Variants in ST7L observed in about 807,000 individuals in gnomAD.
ST7L encodes suppression of tumorigenicity 7 like.
A neutral mutation model predicts 72.5 loss-of-function variants in ST7L; 57 were observed. That is an observed-to-expected ratio of 0.79 (90% CI 0.64 to 0.98). The LOEUF (loss-of-function observed/expected upper bound fraction) is 0.98, where lower values mean the gene tolerates loss of function less well. ST7L is among the 50% of genes least tolerant of loss of function. The pLI is 0.00. For synonymous variants in ST7L, 221 were observed against 240.9 expected (o/e 0.92, Z 0.77); for missense variants, 576 against 672.2 (o/e 0.86, Z 1.58).
chr1:112,549,865 C>G (rs1010807566), intron 13 of ST7L, among the ~76,000 whole-genome samples: 3 of 152,022 alleles, frequency 2.0e-5, no homozygotes, highest in African/African-American at 7.2e-5. Context: ...TTGTCTTATT[C>G]CCGATCTTAG....
At chr1:112,580,653 G>A (rs188495166) in intron 9 of ST7L, among the ~76,000 whole-genome samples, 8 of 152,220 alleles carry the variant, frequency 5.3e-5, no homozygotes, top group African/African-American at 4.8e-5. Context: ...TGCCAGGTGC[G>A]GTGGCTCACG....
intron 11 of ST7L, among the ~76,000 whole-genome samples, chr1:112,556,222 C>A (rs184911496): frequency 1.1e-4 from 16 of 152,100 alleles, no homozygotes; most frequent in Admixed American, 9.8e-4. Context: ...CAGAATATTT[C>A]TATAGGTAAA....
chr1:112,570,570 T>TATATATATAC (rs1183877129), intron 11 of ST7L, among the ~76,000 whole-genome samples: 59 of 143,410 alleles, frequency 4.1e-4, no homozygotes, highest in African/African-American at 1.3e-3. Context: ...TATATATATA[T>TATATATATAC]ACACACACAC....
At chr1:112,571,311 G>A (rs776584097) in intron 11 of ST7L, 1 of 456,244 alleles carries the variant, frequency 2.2e-6, no homozygotes, top group Non-Finnish European at 4.4e-6. Flanking sequence ...ATTGTCAACT[G>A]CTTTGATATT....
In ST7L at chr1:112,610,708, A is replaced by G. The variant is rs906805770; in HGVS notation, c.451+133T>C. 4.2e-5 allele frequency: 46 copies of G among 1,106,078 alleles called. No individual in the cohort carries two copies. The African/African-American group carries it at 5.8e-4, about 14-fold the overall frequency. The allele number at this position is 1,106,078 out of a possible 1,614,324, so 68.5% of individuals were successfully genotyped here. ...CAAAGACCCTACCTCGTAACATCAC[A>G]TTGGTGATTAGAATTTTGGGGGAAA... On this transcript the variant is annotated intron_variant, in intron 3 of 14. Coordinates refer to ENST00000358039, the MANE Select transcript of ST7L (RefSeq NM_017744.5).
At chr1:112,586,536 T>C (rs1221503813) in intron 6 of ST7L, among the ~76,000 whole-genome samples, 3 of 152,194 alleles carry the variant, frequency 2.0e-5, no homozygotes, top group Non-Finnish European at 2.9e-5. Flanking sequence ...AAAACAGTTT[T>C]TAAAAGACCT....
rs1178684772 is a variant in ST7L, at chr1:112,525,846, T to G, written c.*167A>C. ...CCTTTTTGACAGCTTCCAAGGGGGG[T>G]TTGCCTAGGAATAACAATATTCATA... is the stretch of plus-strand genomic sequence containing the variant. On this transcript the variant is annotated 3_prime_UTR_variant, in exon 15 of 15. Transcript: ENST00000358039. 9.2e-6 allele frequency: 8 copies of G among 867,656 alleles called. No homozygotes were observed. The highest frequency in any genetic ancestry group is 6.2e-5 in the Admixed American group (2 of 32,048). The allele number at this position is 867,656 out of a possible 1,614,324, so 53.7% of individuals were successfully genotyped here. A position where few individuals can be genotyped will look rare whatever the true frequency, so the allele number is the denominator to read the frequency against.
At chr1:112,582,524 T>A (rs1027414061) in intron 7 of ST7L, 52 bp from the exon 8 acceptor site, 2 of 1,060,014 alleles carry the variant, frequency 1.9e-6, no homozygotes, top group African/African-American at 3.2e-5. Context: ...TATTGTGGGC[T>A]GCTATTTCAT....
chr1:112,564,909 C>A (rs1365912647), intron 11 of ST7L, among the ~76,000 whole-genome samples: 1 of 150,572 alleles, frequency 6.6e-6, no homozygotes, highest in South Asian at 2.1e-4. Flanking sequence ...TCAACCAGAA[C>A]AGATTTTACT....
intron 13 of ST7L, among the ~76,000 whole-genome samples, chr1:112,546,563 G>A (rs187099742): frequency 1.4e-4 from 21 of 152,152 alleles, no homozygotes; most frequent in Admixed American, 1.1e-3. Flanking sequence ...ATGAAGGAAA[G>A]GAAAGTAAGA....
Position 112,616,859 on chromosome 1 carries a change from T to C in ST7L, c.242A>G (p.Tyr81Cys). The stretch of plus-strand genomic sequence containing the variant: ...TGAAGAGGTCCCTGTAAGTGCCACA[T>C]AGAATTTGGGTGTCAATGAATTTAA... ...VFLNSLTPKF[Y>C]VALTGTSSLI... The change falls in exon 2 of 15, where the codon TAT (tyrosine) becomes TGT (cysteine). Residue 81 changes from tyrosine (Y) to cysteine (C), a missense_variant. Physicochemically the swap from Tyr to Cys is radical, Grantham distance 194. Transcript: ENST00000358039. The C allele has an allele frequency of 6.2e-7, 1 of 1,607,116 alleles. No individual in the cohort carries two copies. The highest frequency in any genetic ancestry group is 8.5e-7 in the Non-Finnish European group (1 of 1,177,834).
intron 11 of ST7L, among the ~76,000 whole-genome samples, chr1:112,574,266 C>A (rs1358116315): frequency 6.9e-6 from 1 of 145,606 alleles, no homozygotes; most frequent in Non-Finnish European, 1.5e-5. Context: ...ACCCAGGCTG[C>A]GGTGTAATGG....
chr1:112,619,201 A>C, upstream of ST7L: 1 of 1,334,026 alleles, frequency 7.5e-7, no homozygotes, highest in Admixed American at 2.1e-5. Flanking sequence ...GCGGACCTGA[A>C]GTTGGCCTCT....
chr1:112,568,887 TAA>T (rs201784339), intron 11 of ST7L, among the ~76,000 whole-genome samples: 3 of 131,554 alleles, frequency 2.3e-5, no homozygotes, highest in African/African-American at 9.1e-5. Flanking sequence ...TATATATATA[TAA>T]AACAAAAATT....
At chr1:112,613,475 C>A (rs1669379928) in intron 2 of ST7L, among the ~76,000 whole-genome samples, 2 of 152,260 alleles carry the variant, frequency 1.3e-5, no homozygotes, top group African/African-American at 4.8e-5. Context: ...TCGGAGCTTC[C>A]AACCATTACA....
intron 2 of ST7L, among the ~76,000 whole-genome samples, chr1:112,615,157 C>T (rs1299526987): frequency 6.6e-6 from 1 of 151,890 alleles, no homozygotes; most frequent in Non-Finnish European, 1.5e-5. Flanking sequence ...GCCACACACG[C>T]CTAATTTTTG....
chr1:112,580,886 C>T (rs1287902501), intron 9 of ST7L, among the ~76,000 whole-genome samples: 1 of 152,192 alleles, frequency 6.6e-6, no homozygotes, highest in Non-Finnish European at 1.5e-5. Flanking sequence ...CGAGATTGCA[C>T]CACTGCACTC....
intron 12 of ST7L, among the ~76,000 whole-genome samples, chr1:112,553,233 A>AAC (rs71584746): frequency 0.033 from 4,875 of 149,390 alleles, 141 homozygotes; most frequent in African/African-American, 0.074. Flanking sequence ...CTTTTCTTTA[A>AAC]ACACACACAC....
intron 13 of ST7L, among the ~76,000 whole-genome samples, chr1:112,546,164 C>T (rs771762517): frequency 8.6e-5 from 13 of 151,874 alleles, no homozygotes; most frequent in South Asian, 2.1e-4. Flanking sequence ...ACCAAAAATA[C>T]AAAAATTAGC....
Sources: allele counts gnomAD v4.1 joint callset (sites outside exome capture counted in the v4.1 genomes callset), GRCh38; gene constraint gnomAD v4.1.1; transcripts MANE v1.5; gene names NCBI Gene and HGNC (gene_info 2026-07-23, HGNC 2026-07-21).